The following PDILT variants were observed in gnomAD, a reference collection of about 807,000 sequenced individuals.
PDILT encodes the protein protein disulfide isomerase like, testis expressed, also known as protein disulfide-isomerase-like protein of the testis.
In PDILT, 43 loss-of-function variants were observed where a neutral mutation model predicts 53.7. The observed-to-expected ratio is 0.80, with a 90% CI of 0.63 to 1.03. The LOEUF (loss-of-function observed/expected upper bound fraction) is 1.03, where lower values mean the gene tolerates loss of function less well. Ranked by LOEUF, PDILT falls within the 50% of genes least tolerant of loss-of-function variation. The pLI is 0.00. For synonymous variants in PDILT, 282 were observed against 274.2 expected (o/e 1.03, Z -0.28); for missense variants, 727 against 712.3 (o/e 1.02, Z -0.24).
chr16:20,360,997 T>C (rs562586791), intron 10 of PDILT, among the ~76,000 whole-genome samples: 1 of 152,302 alleles, frequency 6.6e-6, no homozygotes, highest in South Asian at 2.1e-4. Context: ...ACCTACCTCG[T>C]AGGGTTGTTA....
intron 9 of PDILT, among the ~76,000 whole-genome samples, chr16:20,363,198 T>C (rs919539399): frequency 6.6e-6 from 1 of 152,154 alleles, no homozygotes. Context: ...CTTCTATTTT[T>C]TTGTTTTGCT....
At position 20,365,472 on chromosome 16, in the gene PDILT, C is replaced by A. The variant is rs1436899305; in HGVS notation, c.1185G>T (p.Lys395Asn). The change falls in exon 9 of 12, where the codon AAG becomes AAT. Residue 395 changes from lysine to asparagine, a missense_variant. Physicochemically the swap from Lys to Asn is moderately conservative, Grantham distance 94. Transcript: ENST00000302451. ...DQGLVKQLVG[K>N]NFNVVVFDKE... ...TGTCAAAGACGACTACGTTGAAGTT[C>A]TTCCCCACGAGCTGCTTAACCAGTC... 3 of 1,613,954 alleles carry A rather than the reference C, an allele frequency of 1.9e-6. No homozygotes were observed. In the Admixed American group the frequency reaches 5.0e-5, roughly 27 times the overall value.
intron 2 of PDILT, among the ~76,000 whole-genome samples, chr16:20,398,424 C>A (rs1244633950): frequency 6.6e-6 from 1 of 152,154 alleles, no homozygotes; most frequent in Non-Finnish European, 1.5e-5. Flanking sequence ...GAGTTCGCGA[C>A]CAGCCTGGCC....
chr16:20,368,952 C>T (rs568006969), intron 8 of PDILT, among the ~76,000 whole-genome samples: 1 of 152,302 alleles, frequency 6.6e-6, no homozygotes, highest in African/African-American at 2.4e-5. Flanking sequence ...CCTTACTCAG[C>T]AGAGTAGCTG....
At chr16:20,363,547 A>G (rs1966142930) in intron 9 of PDILT, among the ~76,000 whole-genome samples, 2 of 152,004 alleles carry the variant, frequency 1.3e-5, no homozygotes, top group Non-Finnish European at 2.9e-5. Context: ...GAGGTTTGGG[A>G]ACTTGCCCAA....
chr16:20,375,800 A>T (rs1316535408), intron 4 of PDILT, among the ~76,000 whole-genome samples: 1 of 149,318 alleles, frequency 6.7e-6, no homozygotes, highest in East Asian at 1.9e-4. Context: ...GAAACCAGAA[A>T]CTAAGACATC....
At chr16:20,360,804 C>A (rs1285448816) in intron 10 of PDILT, 147 bp from the exon 11 acceptor site, 5 of 632,700 alleles carry the variant, frequency 7.9e-6, no homozygotes, top group African/African-American at 1.8e-5. Flanking sequence ...CCTCCAGTGC[C>A]ATGGTTCCAA....
chr16:20,377,400 T>C (rs1275487676), intron 3 of PDILT, among the ~76,000 whole-genome samples: 1 of 152,200 alleles, frequency 6.6e-6, no homozygotes, highest in Non-Finnish European at 1.5e-5. Context: ...TTGGCAAATA[T>C]GTACCGAGTG....
intron 2 of PDILT, among the ~76,000 whole-genome samples, chr16:20,391,996 T>C (rs1021277813): frequency 5.3e-5 from 8 of 151,948 alleles, no homozygotes; most frequent in African/African-American, 1.9e-4. Flanking sequence ...ATTTGCATTT[T>C]AGAGGAAGTC....
chr16:20,389,095 G>C (rs1232271651), intron 2 of PDILT, among the ~76,000 whole-genome samples: 1 of 152,080 alleles, frequency 6.6e-6, no homozygotes, highest in Non-Finnish European at 1.5e-5. Context: ...TTGGCACTTA[G>C]GCTGAGCAGT....
intron 5 of PDILT, among the ~76,000 whole-genome samples, chr16:20,374,330 TG>T (rs1483974727): frequency 2.6e-5 from 4 of 152,106 alleles, no homozygotes; most frequent in African/African-American, 7.2e-5. Context: ...GGATGTTGCC[TG>T]GGTTTTCTGG....
Position 20,393,767 on chromosome 16 carries a change from G to C in PDILT, c.202+5332C>G. Reference sequence around the variant, plus strand: ...CAGAGAGTGTGACAGTGTGAGGTTGGCTGGATAGGAATATGGCAAATTGAT... The same window carrying C: ...CAGAGAGTGTGACAGTGTGAGGTTGCCTGGATAGGAATATGGCAAATTGAT... On this transcript the variant is annotated intron_variant, in intron 2 of 11. Coordinates refer to ENST00000302451, the MANE Select transcript of PDILT (RefSeq NM_174924.2). 1.3e-5 allele frequency among the ~76,000 whole-genome samples: 2 copies of C among 152,190 alleles called. 1 individual carries two copies.
intron 2 of PDILT, among the ~76,000 whole-genome samples, chr16:20,393,048 A>G (rs1388039658): frequency 6.6e-6 from 1 of 152,168 alleles, no homozygotes; most frequent in Non-Finnish European, 1.5e-5. Flanking sequence ...AGGGTCTCAG[A>G]TTAGAAATTA....
chr16:20,368,479 G>T (rs570592239), intron 8 of PDILT, among the ~76,000 whole-genome samples: 21 of 152,260 alleles, frequency 1.4e-4, no homozygotes, highest in Non-Finnish European at 2.4e-4. Flanking sequence ...CCACAGAAAA[G>T]GCTATAGGGG....
intron 3 of PDILT, among the ~76,000 whole-genome samples, chr16:20,381,358 C>T (rs1265487182): frequency 2.0e-5 from 3 of 151,978 alleles, no homozygotes; most frequent in Non-Finnish European, 2.9e-5. Context: ...GAAATTGGGC[C>T]GGGTGCGGTG....
chr16:20,384,487 C>G (rs1349184782), intron 3 of PDILT, among the ~76,000 whole-genome samples, 158 bp downstream of exon 3: 1 of 152,198 alleles, frequency 6.6e-6, no homozygotes, highest in Non-Finnish European at 1.5e-5. Context: ...GAGGAAAGAG[C>G]AGGTGGCTCC....
At chr16:20,367,027 CTTT>C (rs769229301) in intron 8 of PDILT, among the ~76,000 whole-genome samples, 126 of 6,200 alleles carry the variant, frequency 0.02, 7 homozygotes, top group South Asian at 0.11. Flanking sequence ...TCTCTTTCTT[CTTT>C]CTTTCTTTCT....
In PDILT at chr16:20,397,668, G is replaced by A. The variant is rs527483033; in HGVS notation, c.202+1431C>T. ...TGGTCAGAGGGCAGCACACAGAGAA[G>A]GGAGAAAGGGCTGTCTCAGAACAAC... On this transcript the variant is annotated intron_variant, in intron 2 of 11. Transcript: ENST00000302451. 2.6e-5 allele frequency among the ~76,000 whole-genome samples: 4 copies of A among 152,344 alleles called. No homozygotes were observed. The South Asian group carries it at 8.3e-4, about 32-fold the overall frequency.
intron 3 of PDILT, among the ~76,000 whole-genome samples, chr16:20,379,107 A>G (rs549011295): frequency 4.5e-4 from 68 of 151,984 alleles, no homozygotes; most frequent in Admixed American, 8.5e-4. Flanking sequence ...TCGATCTCCC[A>G]GGCTCAAGCC....
Sources: gnomAD v4.1 joint callset for allele counts (sites outside exome capture counted in the v4.1 genomes callset) on GRCh38, gnomAD v4.1.1 for gene constraint, MANE v1.5 for transcripts, NCBI Gene and HGNC (gene_info 2026-07-23, HGNC 2026-07-21) for gene names.